LZIC: variants seen among roughly 807,000 people sequenced by gnomAD.
LZIC encodes the protein leucine zipper and CTNNBIP1 domain containing.
In LZIC, 28 loss-of-function variants were observed where a neutral mutation model predicts 25.4. The ratio of observed to expected loss-of-function variants is 1.10; its 90% CI spans 0.82 to 1.51. LZIC has a LOEUF of 1.51. Ranked by LOEUF, LZIC falls within the 40% of genes most tolerant of loss-of-function variation. The pLI is 0.00. For missense variants in LZIC, 170 were observed against 211.1 expected (o/e 0.81, Z 1.21); for synonymous variants, 65 against 70.7 (o/e 0.92, Z 0.40).
chr1:9,937,200 C>T lies in LZIC; in HGVS notation c.-8-573G>A, dbSNP rs138382127. ...TGAAGTCAGGAGATTGAGACCATCC[C>T]GGCTAACACGGTGAAACCCCGTCTC... On this transcript the variant is annotated intron_variant, in intron 2 of 7. Transcript: ENST00000377223. Among the ~76,000 whole-genome samples the T allele has an allele frequency of 6.2e-3, 938 of 151,960 alleles. 10 individuals are homozygous for T. The highest frequency in any genetic ancestry group is 0.021 in the African/African-American group (863 of 41,474).
intron 5 of LZIC, among the ~76,000 whole-genome samples, chr1:9,934,242 A>AC (rs59039001): frequency 6.6e-6 from 1 of 151,662 alleles, no homozygotes; most frequent in African/African-American, 2.4e-5. Context: ...AAAAAAAAAA[A>AC]CATAAAAAAC....
chr1:9,936,847 G>A (rs775347004), intron 2 of LZIC, among the ~76,000 whole-genome samples: 4 of 152,234 alleles, frequency 2.6e-5, no homozygotes, highest in Admixed American at 6.5e-5. Flanking sequence ...ATATGCAGCT[G>A]CGGCCAGGCG....
rs368973945 is a variant in LZIC, at chr1:9,935,555, A to G, written c.174T>C (p.Asp58=). The change falls in exon 4 of 8, where the codon GAT becomes GAC. Residue 58 remains aspartate (D), a synonymous_variant. Coordinates refer to ENST00000377223, the MANE Select transcript of LZIC (RefSeq NM_032368.5). ...TTCCAGACATAATTTTCTTTAGTGA[A>G]TCATTAAATTCACTTAGTTGCTCCA... ...ETLEQLSEFN[D]SLKKIMSGNM... The G allele has an allele frequency of 6.2e-7, 1 of 1,612,358 alleles. No homozygotes were observed. Among genetic ancestry groups the G allele is most frequent in the African/African-American group, 1.3e-5 (1 of 74,830 alleles).
chr1:9,923,360 C>T (rs2101569683), downstream of LZIC, among the ~76,000 whole-genome samples: 1 of 152,092 alleles, frequency 6.6e-6, no homozygotes, highest in East Asian at 1.9e-4. Flanking sequence ...CAGGCACCTG[C>T]CACCACGCCC....
chr1:9,929,689 A>G lies in LZIC; in HGVS notation c.*710T>C, dbSNP rs1006632929. On this transcript the variant is annotated 3_prime_UTR_variant, in exon 8 of 8. Transcript: ENST00000377223. ...GAGATACAACGGGCCCCATTAATACAGACAGCTTACAGGCTGGGGGATGGT... is the reference window on the plus strand; with the variant it reads ...GAGATACAACGGGCCCCATTAATACGGACAGCTTACAGGCTGGGGGATGGT... 6 of 985,338 alleles carry G rather than the reference A, an allele frequency of 6.1e-6. No homozygotes were observed. In the African/African-American group the frequency reaches 1.0e-4, roughly 17 times the overall value. The allele number at this position is 985,338 out of a possible 1,614,324, so 61.0% of individuals were successfully genotyped here. A position where few individuals can be genotyped will look rare whatever the true frequency, so the allele number is the denominator to read the frequency against.
chr1:9,937,607 G>C (rs759914865), intron 2 of LZIC, among the ~76,000 whole-genome samples: 1 of 151,796 alleles, frequency 6.6e-6, no homozygotes, highest in South Asian at 2.1e-4. Flanking sequence ...AACACTTTGG[G>C]AGCCTGAGGT....
chr1:9,925,157 C>CA (rs35578033), downstream of LZIC, among the ~76,000 whole-genome samples: 3,258 of 101,290 alleles, frequency 0.032, 45 homozygotes, highest in Non-Finnish European at 0.039. Flanking sequence ...ACTAAAAATA[C>CA]AAAAAAAAAA....
rs999488558 is a variant in LZIC, at chr1:9,927,753, G to A, written c.*2646C>T. On this transcript the variant is annotated 3_prime_UTR_variant, in exon 8 of 8. Coordinates refer to ENST00000377223, the MANE Select transcript of LZIC (RefSeq NM_032368.5). ...GGCTGGAGTGCAGTGGCGCCATCTC[G>A]GCTCACCGAAACCTCTGCCTCCCAG... 1.4e-5 allele frequency among the ~76,000 whole-genome samples: 2 copies of A among 138,928 alleles called. No individual in the cohort carries two copies. The highest frequency in any genetic ancestry group is 3.0e-5 in the Non-Finnish European group (2 of 66,026). The allele number at this position is 138,928 out of a possible 152,430, so 91.1% of individuals were successfully genotyped here.
intron 5 of LZIC, among the ~76,000 whole-genome samples, chr1:9,934,046 G>A (rs1359790157): frequency 4.0e-5 from 6 of 151,874 alleles, no homozygotes; most frequent in East Asian, 1.9e-4. Flanking sequence ...TGACAACATG[G>A]TAAACCCCAT....
chr1:9,932,021 G>T, intron 6 of LZIC, 49 bp from the exon 7 acceptor site: 1 of 1,444,926 alleles, frequency 6.9e-7, no homozygotes, highest in East Asian at 2.5e-5. Context: ...TGTTACAGGT[G>T]GTTCTAGAAA....
chr1:9,942,567 T>C (rs1195623900), intron 2 of LZIC, 57 bp downstream of exon 2: 3 of 912,670 alleles, frequency 3.3e-6, no homozygotes, highest in Non-Finnish European at 4.5e-6. Context: ...TTTACGAAAC[T>C]ACAGAAACCG....
At chr1:9,925,248 C>T (rs901775873), downstream of LZIC, among the ~76,000 whole-genome samples, 4 of 151,996 alleles carry the variant, frequency 2.6e-5, no homozygotes, top group African/African-American at 9.7e-5. Flanking sequence ...ATTGCTTGAA[C>T]CCTGCGGCAA....
chr1:9,942,404 T>G (rs1640798766), intron 2 of LZIC, among the ~76,000 whole-genome samples: 2 of 152,202 alleles, frequency 1.3e-5, no homozygotes, highest in Non-Finnish European at 2.9e-5. Flanking sequence ...GCTCAACATA[T>G]TTTAAGGAGC....
In LZIC at chr1:9,942,661, C is replaced by T. The variant is rs1198273921; in HGVS notation, c.-46G>A. 5.4e-6 allele frequency: 7 copies of T among 1,289,148 alleles called. No homozygotes were observed. Among genetic ancestry groups the T allele is most frequent in the Non-Finnish European group, 7.1e-6 (7 of 988,668 alleles). The allele number at this position is 1,289,148 out of a possible 1,614,324, so 79.9% of individuals were successfully genotyped here. A position where few individuals can be genotyped will look rare whatever the true frequency, so the allele number is the denominator to read the frequency against. ...ACTCTGATCTCTGCACAGTGCCGAC[C>T]GGTCTCAAATTGCACAAACCTCCAG... On this transcript the variant is annotated 5_prime_UTR_variant, in exon 2 of 8. Coordinates refer to ENST00000377223, the MANE Select transcript of LZIC (RefSeq NM_032368.5).
At chr1:9,923,689 AAGAAAAAAAG>A (rs1639914013), downstream of LZIC, among the ~76,000 whole-genome samples, 1 of 151,662 alleles carries the variant, frequency 6.6e-6, no homozygotes, top group African/African-American at 2.4e-5. Flanking sequence ...GCATTGGGTC[AAGAAAAAAAG>A]AGAAAAAAAT....
In LZIC at chr1:9,943,257, A is replaced by T. The variant is rs1259030225; in HGVS notation, c.-176T>A. 1 of 157,522 alleles carries T rather than the reference A, an allele frequency of 6.3e-6. No individual in the cohort carries two copies. Among genetic ancestry groups the T allele is most frequent in the Non-Finnish European group, 1.4e-5 (1 of 70,580 alleles). 9.8% of individuals were successfully genotyped at this position (157,522 alleles called of 1,614,324 possible). A position where few individuals can be genotyped will look rare whatever the true frequency, so the allele number is the denominator to read the frequency against. On this transcript the variant is annotated 5_prime_UTR_variant, in exon 1 of 8. Transcript: ENST00000377223. ...ACTCCTTCCGGGCCTACCTGACAAA[A>T]ACTGGGACAACCTCCTTAGGCCCCC...
intron 7 of LZIC, 116 bp downstream of exon 7, chr1:9,931,775 T>C: frequency 3.5e-6 from 2 of 576,796 alleles, no homozygotes; most frequent in Non-Finnish European, 6.0e-6. Context: ...AATTCTGGTT[T>C]CACTCTTAAA....
chr1:9,923,914 G>C (rs1283898859), downstream of LZIC, among the ~76,000 whole-genome samples: 1 of 151,604 alleles, frequency 6.6e-6, no homozygotes, highest in African/African-American at 2.4e-5. Flanking sequence ...CACCACGCCC[G>C]GCTAATTTTT....
chr1:9,939,470 T>A (rs1241354270), intron 2 of LZIC, among the ~76,000 whole-genome samples: 2 of 145,828 alleles, frequency 1.4e-5, no homozygotes, highest in East Asian at 2.1e-4. Context: ...AACCTCCACA[T>A]CCTGGGCTCA....
Sources: allele counts gnomAD v4.1 joint callset (sites outside exome capture counted in the v4.1 genomes callset), GRCh38; gene constraint gnomAD v4.1.1; transcripts MANE v1.5; gene names NCBI Gene and HGNC (gene_info 2026-07-23, HGNC 2026-07-21).